The following ASB4 variants were observed in gnomAD, a reference collection of about 807,000 sequenced individuals.
ASB4 encodes the protein ankyrin repeat and SOCS box containing 4.
Under a neutral mutation model 38.6 loss-of-function variants are expected in ASB4, and 35 were observed. That is an observed-to-expected ratio of 0.91 (90% CI 0.69 to 1.20). The LOEUF (loss-of-function observed/expected upper bound fraction) is 1.20, where lower values mean the gene tolerates loss of function less well. Ranked by LOEUF, ASB4 falls within the 50% of genes most tolerant of loss-of-function variation. The pLI is 0.00. For synonymous variants in ASB4, 195 were observed against 201.3 expected, an observed-to-expected ratio of 0.97 and a Z score of 0.26; for missense variants, 557 against 527.2, an observed-to-expected ratio of 1.06 and a Z score of -0.55.
At position 95,515,251 on chromosome 7, in the gene ASB4, CCT is replaced by C. The variant is rs1491544069; in HGVS notation, c.488-12561_488-12560del. ...TTTCTTTTTCTTTCTTTCTTTCTTT[CCT>C]TCTTTCTTTCTTTCTCTTTCTTTCT... On this transcript the variant is annotated intron_variant, in intron 2 of 4. Transcript: ENST00000325885. Among the ~76,000 whole-genome samples, 426 of 98,296 alleles carry C rather than the reference CCT, an allele frequency of 4.3e-3. 5 individuals are homozygous for C. The highest frequency in any genetic ancestry group is 0.015 in the African/African-American group (373 of 25,638). 64.5% of individuals were successfully genotyped at this position (98,296 alleles called of 152,430 possible).
chr7:95,523,081 T>A (rs1020860136), intron 2 of ASB4, among the ~76,000 whole-genome samples: 1 of 152,230 alleles, frequency 6.6e-6, no homozygotes, highest in African/African-American at 2.4e-5. Flanking sequence ...GACTCCATAC[T>A]GTAAGAATGT....
At chr7:95,507,947 G>T (rs546243204) in intron 2 of ASB4, among the ~76,000 whole-genome samples, 1 of 152,046 alleles carries the variant, frequency 6.6e-6, no homozygotes, top group African/African-American at 2.4e-5. Context: ...AAGTCAGAGT[G>T]GGGGGGATTG....
chr7:95,518,244 G>A (rs1790611540), intron 2 of ASB4, among the ~76,000 whole-genome samples: 1 of 152,226 alleles, frequency 6.6e-6, no homozygotes. Flanking sequence ...GCAGGCATAT[G>A]ACTCTTCTAG....
intron 3 of ASB4, chr7:95,528,609 A>ACTTTCTGT: frequency 7.3e-7 from 1 of 1,363,896 alleles, no homozygotes; most frequent in African/African-American, 1.5e-5. Context: ...CAGAAAGGTG[A>ACTTTCTGT]ATAGTGTTAG....
chr7:95,538,528 C>A lies in ASB4; in HGVS notation c.*769C>A, dbSNP rs1584099208. The A allele has an allele frequency of 6.6e-6, 1 of 152,200 alleles. No homozygotes were observed. Among genetic ancestry groups the A allele is most frequent in the East Asian group, 1.9e-4 (1 of 5,204 alleles). 9.4% of individuals were successfully genotyped at this position (152,200 alleles called of 1,614,324 possible). On this transcript the variant is annotated 3_prime_UTR_variant, in exon 5 of 5. Coordinates refer to ENST00000325885, the MANE Select transcript of ASB4 (RefSeq NM_016116.3). The stretch of plus-strand genomic sequence containing the variant: ...TGGGGCAAGAGTACAGGTGCAGACT[C>A]ACTTTTAATGCTTATCTTTCAAAGT...
chr7:95,471,880 T>TTTTTTTTTTTTTTTTG, the ASB4 span: 1 of 150,700 alleles, frequency 6.6e-6, no homozygotes, highest in African/African-American at 2.4e-5. Flanking sequence ...CTGCTTTTTT[T>TTTTTTTTTTTTTTTTG]AACAGATGAA....
At chr7:95,526,583 A>G (rs534513804) in intron 2 of ASB4, among the ~76,000 whole-genome samples, 29 of 152,208 alleles carry the variant, frequency 1.9e-4, no homozygotes, top group Non-Finnish European at 4.0e-4. Flanking sequence ...CTTTTGGCCA[A>G]TTATTAACCT....
chr7:95,550,864 G>C, the ASB4 span, among the ~76,000 whole-genome samples: 2 of 152,156 alleles, frequency 1.3e-5, no homozygotes, highest in African/African-American at 4.8e-5. Flanking sequence ...CCATGTACAG[G>C]ATGTCTTTCC....
chr7:95,522,183 G>C (rs897630554), intron 2 of ASB4, among the ~76,000 whole-genome samples: 3 of 151,940 alleles, frequency 2.0e-5, no homozygotes, highest in Non-Finnish European at 4.4e-5. Context: ...AATAACTATA[G>C]CATTTTAAAT....
At position 95,497,517 on chromosome 7, in the gene ASB4, C is replaced by G. The variant is rs978867010; in HGVS notation, c.487+1460C>G. On this transcript the variant is annotated intron_variant, in intron 2 of 4. Coordinates refer to ENST00000325885, the MANE Select transcript of ASB4 (RefSeq NM_016116.3). ...GAGGTAAAGAAACTTGAGGAAGAGG[C>G]ACCTATGTAGGGATAATCATTAAAT... 3.3e-5 allele frequency among the ~76,000 whole-genome samples: 5 copies of G among 152,242 alleles called. No homozygotes were observed. In the South Asian group the frequency reaches 1.0e-3, roughly 32 times the overall value.
intron 2 of ASB4, among the ~76,000 whole-genome samples, chr7:95,515,149 C>T (rs1790536817): frequency 1.3e-5 from 1 of 79,264 alleles, no homozygotes; most frequent in Admixed American, 1.3e-4. Flanking sequence ...AATTGTTTTT[C>T]TTTCTTTCTT....
At chr7:95,516,347 G>A (rs995355948) in intron 2 of ASB4, among the ~76,000 whole-genome samples, 2 of 151,828 alleles carry the variant, frequency 1.3e-5, no homozygotes, top group Admixed American at 6.6e-5. Context: ...ATGGTTTTTT[G>A]GAATTAAAAA....
chr7:95,488,966 A>T (rs1453740484), intron 1 of ASB4, among the ~76,000 whole-genome samples: 2 of 152,244 alleles, frequency 1.3e-5, no homozygotes, highest in Non-Finnish European at 1.5e-5. Flanking sequence ...TCTATATTCA[A>T]CATTTGATAG....
intron 1 of ASB4, among the ~76,000 whole-genome samples, chr7:95,494,668 C>A (rs1215991852): frequency 6.6e-6 from 1 of 152,132 alleles, no homozygotes; most frequent in Non-Finnish European, 1.5e-5. Flanking sequence ...GTTCTCCATT[C>A]ATAAAAGCTT....
the ASB4 span, among the ~76,000 whole-genome samples, chr7:95,551,146 C>A: frequency 0.43 from 65,109 of 151,868 alleles, 14,327 homozygotes; most frequent in East Asian, 0.82. Flanking sequence ...ATGCCAGGCT[C>A]ATTTTTGAAT....
At chr7:95,490,767 C>G (rs1790159571) in intron 1 of ASB4, among the ~76,000 whole-genome samples, 1 of 152,384 alleles carries the variant, frequency 6.6e-6, no homozygotes, top group East Asian at 1.9e-4. Context: ...TTCTACCCAG[C>G]TATTGGGGCA....
At chr7:95,528,547 TGTGTG>T (rs1790777661) in intron 3 of ASB4, 1 of 1,424,604 alleles carries the variant, frequency 7.0e-7, no homozygotes, top group African/African-American at 1.4e-5. Flanking sequence ...TGTTTTGCCT[TGTGTG>T]AACACCAGTG....
intron 2 of ASB4, among the ~76,000 whole-genome samples, chr7:95,512,722 A>G (rs1790499759): frequency 6.6e-6 from 1 of 152,208 alleles, no homozygotes; most frequent in African/African-American, 2.4e-5. Flanking sequence ...GGCTTAGAAG[A>G]ATGAAATTAG....
downstream of ASB4, among the ~76,000 whole-genome samples, chr7:95,540,669 C>T (rs1443212235): frequency 1.3e-5 from 2 of 152,178 alleles, no homozygotes; most frequent in African/African-American, 4.8e-5. Flanking sequence ...AAAAAACAAT[C>T]TCTCTTCTGA....
Sources: allele counts gnomAD v4.1 joint callset (sites outside exome capture counted in the v4.1 genomes callset), GRCh38; gene constraint gnomAD v4.1.1; transcripts MANE v1.5; gene names NCBI Gene and HGNC (gene_info 2026-07-23, HGNC 2026-07-21).